PDILT: variants seen among roughly 807,000 people sequenced by gnomAD.
PDILT encodes the protein protein disulfide isomerase like, testis expressed.
Under a neutral mutation model 53.7 loss-of-function variants are expected in PDILT, and 43 were observed. The ratio of observed to expected loss-of-function variants is 0.80; its 90% confidence interval spans 0.63 to 1.03. The LOEUF (loss-of-function observed/expected upper bound fraction) is 1.03, where lower values mean the gene tolerates loss of function less well. Among genes scored for constraint, PDILT ranks in the 50% least tolerant of loss-of-function variants. The pLI is 0.00. For synonymous variants in PDILT, 282 were observed against 274.2 expected, an observed-to-expected ratio of 1.03 and a Z score of -0.28; for missense variants, 727 against 712.3, an observed-to-expected ratio of 1.02 and a Z score of -0.24.
chr16:20,374,684 A>G (rs1966357190), intron 5 of PDILT, 138 bp downstream of exon 5: 3 of 933,902 alleles, frequency 3.2e-6, no homozygotes, highest in Non-Finnish European at 4.8e-6. Context: ...ACACTGGGAG[A>G]CTGTGACTTC....
rs553590533 is a variant in PDILT, at chr16:20,383,582, C to T, written c.409+1063G>A. On this transcript the variant is annotated intron_variant, in intron 3 of 11. Coordinates refer to ENST00000302451, the MANE Select transcript of PDILT (RefSeq NM_174924.2). ...CTGGGTCTATCCTGTGTCTTTCATG[C>T]CCTCTTGTGTCCATTCTGAGAACTG... 2.6e-5 allele frequency among the ~76,000 whole-genome samples: 4 copies of T among 152,224 alleles called. No individual in the cohort carries two copies. The East Asian group carries it at 7.7e-4, about 29-fold the overall frequency.
At chr16:20,361,713 A>G (rs1966103634) in intron 10 of PDILT, among the ~76,000 whole-genome samples, 1 of 152,126 alleles carries the variant, frequency 6.6e-6, no homozygotes, top group Non-Finnish European at 1.5e-5. Flanking sequence ...TGTTCAGACC[A>G]CACTTCCTAC....
At chr16:20,368,095 T>C (rs117920324) in intron 8 of PDILT, among the ~76,000 whole-genome samples, 2 of 152,096 alleles carry the variant, frequency 1.3e-5, no homozygotes, top group East Asian at 3.9e-4. Context: ...GCCATGTGTG[T>C]CCTGGAGGGA....
At position 20,367,072 on chromosome 16, in the gene PDILT, T is replaced by A. The variant is rs1008297622; in HGVS notation, c.1117-1532A>T. On this transcript the variant is annotated intron_variant, in intron 8 of 11. Transcript: ENST00000302451. ...CTTTCTTTCTTTCTTTCTTTCTTTC[T>A]TTCTTTCTTTCTTTCTTTCTTTCTT... is the stretch of plus-strand genomic sequence containing the variant. Among the ~76,000 whole-genome samples the A allele has an allele frequency of 3.7e-5, 5 of 134,412 alleles. No individual in the cohort carries two copies. In the East Asian group the frequency reaches 6.2e-4, roughly 17 times the overall value. 88.2% of individuals were successfully genotyped at this position (134,412 alleles called of 152,430 possible).
At chr16:20,384,546 C>A (rs9936599) in intron 3 of PDILT, 99 bp downstream of exon 3, 1 of 1,436,418 alleles carries the variant, frequency 7.0e-7, no homozygotes. Flanking sequence ...CCTGGGTCCC[C>A]GAGAAGCTGC....
intron 3 of PDILT, among the ~76,000 whole-genome samples, chr16:20,376,572 C>T (rs1386282402): frequency 6.6e-6 from 1 of 152,224 alleles, no homozygotes; most frequent in African/African-American, 2.4e-5. Context: ...TAGGAGGAGG[C>T]ATTTCCAGAC....
In PDILT at chr16:20,384,698, G is replaced by A. The variant is rs201976699; in HGVS notation, c.356C>T (p.Pro119Leu). Residue 119 changes from proline to leucine, a missense_variant, in exon 3 of 12, where the codon CCG becomes CTG. Physicochemically the swap from Pro to Leu is moderately conservative, Grantham distance 98. Coordinates refer to ENST00000302451, the MANE Select transcript of PDILT (RefSeq NM_174924.2). ...GCCCTCAAAAAACAGCTTCAACTCC[G>A]GGGCCTTGGTAATCCCAAACTCCTG... is the stretch of plus-strand genomic sequence containing the variant. Reference protein sequence around the residue: ...LQQEFGITKAPELKLFFEGNR... With the variant: ...LQQEFGITKALELKLFFEGNR... 174 of 1,614,140 alleles carry A rather than the reference G, an allele frequency of 1.1e-4. No homozygotes were observed. Among genetic ancestry groups the A allele is most frequent in the Non-Finnish European group, 1.4e-4 (165 of 1,180,014 alleles).
At chr16:20,376,930 G>T (rs1001541389) in intron 3 of PDILT, among the ~76,000 whole-genome samples, 14 of 152,234 alleles carry the variant, frequency 9.2e-5, no homozygotes, top group African/African-American at 3.4e-4. Context: ...TCACATGATG[G>T]AAAGTAATGT....
chr16:20,393,552 A>G (rs1966629902), intron 2 of PDILT, among the ~76,000 whole-genome samples: 1 of 152,232 alleles, frequency 6.6e-6, no homozygotes, highest in South Asian at 2.1e-4. Flanking sequence ...GTGGCAGCAT[A>G]ACCTAGCAGG....
chr16:20,398,572 A>G (rs1966691222), intron 2 of PDILT, among the ~76,000 whole-genome samples: 1 of 152,218 alleles, frequency 6.6e-6, no homozygotes, highest in South Asian at 2.1e-4. Flanking sequence ...TGGAGGTTGC[A>G]GTGAGCTGGG....
rs959981998 is a variant in PDILT, at chr16:20,359,581, G to A, written c.1507-14C>T. 2.5e-6 allele frequency: 4 copies of A among 1,608,662 alleles called. No individual in the cohort carries two copies. In the Admixed American group the frequency reaches 6.7e-5, roughly 27 times the overall value. On this transcript the variant is annotated splice_polypyrimidine_tract_variant and intron_variant, in intron 11 of 11. Coordinates refer to ENST00000302451, the MANE Select transcript of PDILT (RefSeq NM_174924.2). ...AACAGACAACAGCTATGAAAGCAAA[G>A]GTGGAAGGAAGAAGGGAGGGAGGGA...
intron 3 of PDILT, among the ~76,000 whole-genome samples, chr16:20,380,737 G>T (rs1391486557): frequency 6.6e-6 from 1 of 152,168 alleles, no homozygotes; most frequent in African/African-American, 2.4e-5. Context: ...CTCCTGTAAT[G>T]CCTGGCACAT....
chr16:20,403,437 C>G (rs934244449), intron 1 of PDILT, among the ~76,000 whole-genome samples: 65 of 152,184 alleles, frequency 4.3e-4, no homozygotes, highest in Admixed American at 1.9e-3. Flanking sequence ...CTACAGGCAC[C>G]CGCCACCATG....
chr16:20,364,398 A>T (rs1233427813), intron 9 of PDILT, among the ~76,000 whole-genome samples: 2 of 152,162 alleles, frequency 1.3e-5, no homozygotes, highest in African/African-American at 4.8e-5. Flanking sequence ...AAGTAATAGC[A>T]CTAGAGCTTG....
intron 2 of PDILT, among the ~76,000 whole-genome samples, chr16:20,397,122 T>C (rs899889110): frequency 6.6e-6 from 1 of 152,224 alleles, no homozygotes; most frequent in Non-Finnish European, 1.5e-5. Context: ...ATAAATTTTA[T>C]GTATGTACAT....
chr16:20,384,324 C>T (rs1966501316), intron 3 of PDILT, among the ~76,000 whole-genome samples: 1 of 152,214 alleles, frequency 6.6e-6, no homozygotes, highest in Non-Finnish European at 1.5e-5. Flanking sequence ...AACTGTATTT[C>T]TCCGCCTTTC....
At position 20,376,083 on chromosome 16, in the gene PDILT, G is replaced by C. The variant is rs186692475; in HGVS notation, c.528C>G (p.Ile176Met). 1.9e-6 allele frequency: 3 copies of C among 1,613,930 alleles called. No individual in the cohort carries two copies. In the African/African-American group the frequency reaches 4.0e-5, roughly 22 times the overall value. ...GTCCCAGTACCTGGAAGAAGCCAACGATGACCAAGGGCCTGGATATCACAA... is the reference window on the plus strand; with the variant it reads ...GTCCCAGTACCTGGAAGAAGCCAACCATGACCAAGGGCCTGGATATCACAA... ...AEFVISRPLV[I>M]VGFFQDLEEE... The change falls in exon 4 of 12, where the codon ATC (isoleucine) becomes ATG (methionine). Residue 176 changes from isoleucine to methionine, a missense_variant. Physicochemically the swap from Ile to Met is conservative, Grantham distance 10. Transcript: ENST00000302451.
chr16:20,365,482 A>T lies in PDILT; in HGVS notation c.1175T>A (p.Leu392His), dbSNP rs1368238526. ...GACTACGTTGAAGTTCTTCCCCACG[A>T]GCTGCTTAACCAGTCCCTGGTCCCA... is the stretch of plus-strand genomic sequence containing the variant. ...KYWDQGLVKQ[L>H]VGKNFNVVVF... Residue 392 changes from leucine to histidine, a missense_variant, in exon 9 of 12, where the codon CTC (leucine) becomes CAC (histidine). Physicochemically the swap from Leu to His is moderately conservative, Grantham distance 99. Transcript: ENST00000302451. 6 of 1,613,824 alleles carry T rather than the reference A, an allele frequency of 3.7e-6. No homozygotes were observed. The highest frequency in any genetic ancestry group is 1.3e-5 in the African/African-American group (1 of 74,898).
At chr16:20,403,370 G>A (rs6497479) in intron 1 of PDILT, among the ~76,000 whole-genome samples, 95,232 of 152,066 alleles carry the variant, frequency 0.63, 30,080 homozygotes, top group East Asian at 0.86. Context: ...GCTCACTGCA[G>A]CCTCCGCCTC....
Sources: gnomAD v4.1 joint callset for allele counts (sites outside exome capture counted in the v4.1 genomes callset) on GRCh38, gnomAD v4.1.1 for gene constraint, MANE v1.5 for transcripts, NCBI Gene and HGNC (gene_info 2026-07-23, HGNC 2026-07-21) for gene names.